AFF3: variants seen among roughly 807,000 people sequenced by gnomAD.
AFF3 encodes ALF transcription elongation factor 3.
In AFF3, 32 loss-of-function variants were observed where a neutral mutation model predicts 129.7. The observed-to-expected ratio is 0.25, with a 90% CI of 0.19 to 0.33. The LOEUF is 0.33. Ranked by LOEUF, AFF3 falls within the 10% of genes least tolerant of loss-of-function variation. AFF3 has a pLI of 1.00. For synonymous variants in AFF3, 644 were observed against 635.4 expected (o/e 1.01, Z -0.20); for missense variants, 1,373 against 1,592.0 (o/e 0.86, Z 2.34).
At chr2:99,738,674 G>C (rs912207556) in intron 10 of AFF3, among the ~76,000 whole-genome samples, 1 of 151,960 alleles carries the variant, frequency 6.6e-6, no homozygotes, top group Admixed American at 6.6e-5. Flanking sequence ...TCAGTATTCC[G>C]ATCAATTTTT....
At chr2:99,670,525 G>A (rs1281228874) in intron 12 of AFF3, among the ~76,000 whole-genome samples, 2 of 112,358 alleles carry the variant, frequency 1.8e-5, no homozygotes, top group East Asian at 2.8e-4. Context: ...CAGGGAATGA[G>A]TGTATGTGTC....
At chr2:99,902,984 A>T (rs1296928112) in intron 7 of AFF3, among the ~76,000 whole-genome samples, 1 of 152,192 alleles carries the variant, frequency 6.6e-6, no homozygotes, top group Non-Finnish European at 1.5e-5. Flanking sequence ...AGAGCATTCT[A>T]TATTGAAGCC....
At chr2:100,042,076 G>C (rs535237492) in intron 4 of AFF3, among the ~76,000 whole-genome samples, 1 of 151,270 alleles carries the variant, frequency 6.6e-6, no homozygotes, top group South Asian at 2.1e-4. Context: ...TCCAGCCCCC[G>C]GCCCGGCCCC....
intron 7 of AFF3, among the ~76,000 whole-genome samples, chr2:99,957,190 T>C (rs1315279537): frequency 6.6e-6 from 1 of 151,430 alleles, no homozygotes; most frequent in Non-Finnish European, 1.5e-5. Context: ...TGCGTGTGTG[T>C]GTGTGCGCGC....
At chr2:100,109,546 A>G (rs1266842882) in intron 2 of AFF3, among the ~76,000 whole-genome samples, 2 of 152,002 alleles carry the variant, frequency 1.3e-5, no homozygotes, top group East Asian at 1.9e-4. Context: ...ACAAGAACCA[A>G]TCATCCTGAC....
intron 4 of AFF3, among the ~76,000 whole-genome samples, chr2:100,016,257 A>G (rs1573124897): frequency 2.4e-5 from 3 of 124,816 alleles, no homozygotes; most frequent in Admixed American, 1.6e-4. Context: ...TGGCAGTGGT[A>G]GTGGTGGCGG....
chr2:99,624,351 T>C (rs943585507), intron 13 of AFF3, among the ~76,000 whole-genome samples: 3 of 152,184 alleles, frequency 2.0e-5, no homozygotes, highest in African/African-American at 7.2e-5. Flanking sequence ...TCCCATGTAA[T>C]TAAAATAATT....
At chr2:99,907,546 T>C (rs1393435681) in intron 7 of AFF3, among the ~76,000 whole-genome samples, 1 of 152,044 alleles carries the variant, frequency 6.6e-6, no homozygotes, top group Non-Finnish European at 1.5e-5. Flanking sequence ...ACTATTCTTT[T>C]TTTTTTTTTC....
intron 11 of AFF3, among the ~76,000 whole-genome samples, chr2:99,726,094 G>T (rs1679338955): frequency 6.6e-6 from 1 of 152,154 alleles, no homozygotes; most frequent in African/African-American, 2.4e-5. Context: ...TATAACATCT[G>T]AAAGCAGGAC....
intron 13 of AFF3, among the ~76,000 whole-genome samples, chr2:99,629,519 T>A (rs955051119): frequency 2.0e-5 from 3 of 152,160 alleles, no homozygotes; most frequent in Non-Finnish European, 4.4e-5. Context: ...ATGATGCAAT[T>A]CCTCTGTAGA....
chr2:99,686,155 A>G (rs1340861912), intron 11 of AFF3, among the ~76,000 whole-genome samples: 1 of 152,072 alleles, frequency 6.6e-6, no homozygotes, highest in Admixed American at 6.5e-5. Flanking sequence ...GCGCCACTGC[A>G]CTCCAGCCTG....
intron 11 of AFF3, among the ~76,000 whole-genome samples, chr2:99,724,689 CA>C (rs1445131232): frequency 6.6e-6 from 1 of 152,150 alleles, no homozygotes; most frequent in Admixed American, 6.5e-5. Flanking sequence ...AAATACTACA[CA>C]AATCAAAGGC....
At chr2:99,583,820 G>A (rs974618266) in intron 16 of AFF3, among the ~76,000 whole-genome samples, 33 of 152,098 alleles carry the variant, frequency 2.2e-4, no homozygotes, top group African/African-American at 7.9e-4. Context: ...AGCCTCCCGA[G>A]GACTCCCGAG....
rs571588497 is a variant in AFF3, at chr2:99,778,508, T to G, written c.922-26207A>C. 5.3e-5 allele frequency among the ~76,000 whole-genome samples: 8 copies of G among 152,304 alleles called. No individual in the cohort carries two copies. In the East Asian group the frequency reaches 1.5e-3, roughly 29 times the overall value. On this transcript the variant is annotated intron_variant, in intron 8 of 24. Coordinates refer to ENST00000672756, the MANE Select transcript of AFF3 (RefSeq NM_001386135.1). ...CTGGCTGGGACAATGCTTGGTAGCCTGTCTCTCCCCACTCCCATCTCTAGA... is the reference window on the plus strand; with the variant it reads ...CTGGCTGGGACAATGCTTGGTAGCCGGTCTCTCCCCACTCCCATCTCTAGA...
chr2:99,788,665 T>A (rs1057115594), intron 8 of AFF3, among the ~76,000 whole-genome samples: 1 of 152,074 alleles, frequency 6.6e-6, no homozygotes, highest in Non-Finnish European at 1.5e-5. Context: ...GAAACAGAAG[T>A]TTTTTAAAAA....
intron 7 of AFF3, among the ~76,000 whole-genome samples, chr2:99,902,246 G>A (rs996127377): frequency 4.0e-5 from 6 of 151,826 alleles, no homozygotes; most frequent in African/African-American, 4.8e-5. Context: ...CTTAAAATCT[G>A]GAAGTCACAT....
At chr2:100,132,570 T>A (rs1692466595) in intron 1 of AFF3, among the ~76,000 whole-genome samples, 1 of 152,170 alleles carries the variant, frequency 6.6e-6, no homozygotes. Flanking sequence ...GTGCGGTATC[T>A]TTTTTCCTCT....
chr2:99,711,396 A>G (rs764854825), intron 11 of AFF3, among the ~76,000 whole-genome samples: 1 of 152,194 alleles, frequency 6.6e-6, no homozygotes, highest in Non-Finnish European at 1.5e-5. Context: ...TGAGGATTAA[A>G]TGAGACAACA....
chr2:99,631,489 C>T (rs1220627452), intron 13 of AFF3, among the ~76,000 whole-genome samples: 1 of 152,200 alleles, frequency 6.6e-6, no homozygotes, highest in Non-Finnish European at 1.5e-5. Flanking sequence ...CTCAATACCC[C>T]TTAAATGGCA....
Sources: gnomAD v4.1 joint callset for allele counts (sites outside exome capture counted in the v4.1 genomes callset) on GRCh38, gnomAD v4.1.1 for gene constraint, MANE v1.5 for transcripts, NCBI Gene and HGNC (gene_info 2026-07-23, HGNC 2026-07-21) for gene names.